Variants in TAFA2 observed in about 807,000 individuals in gnomAD.
TAFA2 encodes chemokine-like protein TAFA-2.
A neutral mutation model predicts 18.8 loss-of-function variants in TAFA2; 7 were observed. The ratio of observed to expected loss-of-function variants is 0.37; its 90% confidence interval spans 0.21 to 0.70. The LOEUF (loss-of-function observed/expected upper bound fraction) is 0.70. Ranked by LOEUF, TAFA2 falls within the 30% of genes least tolerant of loss-of-function variation. The pLI is 0.53. For synonymous variants in TAFA2, 60 were observed against 54.2 expected, an observed-to-expected ratio of 1.11 and a Z score of -0.47; for missense variants, 122 against 158.1, an observed-to-expected ratio of 0.77 and a Z score of 1.23.
intron 1 of TAFA2, among the ~76,000 whole-genome samples, chr12:61,896,357 G>A (rs900798784): frequency 6.6e-6 from 1 of 152,154 alleles, no homozygotes; most frequent in African/African-American, 2.4e-5. Flanking sequence ...ACACTTTCAT[G>A]AATGTAAAAA....
At chr12:61,981,665 T>C (rs1879640792) in intron 1 of TAFA2, among the ~76,000 whole-genome samples, 1 of 152,170 alleles carries the variant, frequency 6.6e-6, no homozygotes. Flanking sequence ...AACAGACACT[T>C]CTCAAAAGAA....
intron 1 of TAFA2, among the ~76,000 whole-genome samples, chr12:62,096,838 A>C (rs904359745): frequency 1.3e-5 from 2 of 152,066 alleles, no homozygotes; most frequent in Non-Finnish European, 2.9e-5. Context: ...GTAATGTCAC[A>C]CAATTTCTCT....
chr12:62,183,796 T>A (rs1158917792), intron 1 of TAFA2, among the ~76,000 whole-genome samples: 3 of 152,216 alleles, frequency 2.0e-5, no homozygotes, highest in Non-Finnish European at 2.9e-5. Context: ...TCAAAATTCA[T>A]ACATAGATTT....
intron 1 of TAFA2, among the ~76,000 whole-genome samples, chr12:61,876,781 G>A (rs1354453903): frequency 6.6e-6 from 1 of 151,986 alleles, no homozygotes; most frequent in Admixed American, 6.6e-5. Flanking sequence ...AAAGAAAAGA[G>A]TCCAAGAATA....
At chr12:62,107,862 T>TA (rs752775143) in intron 1 of TAFA2, among the ~76,000 whole-genome samples, 3 of 152,216 alleles carry the variant, frequency 2.0e-5, no homozygotes, top group Non-Finnish European at 4.4e-5. Flanking sequence ...CAAGAGGCCA[T>TA]AAAAATTATC....
At chr12:62,101,989 A>G (rs1215213997) in intron 1 of TAFA2, among the ~76,000 whole-genome samples, 3 of 152,180 alleles carry the variant, frequency 2.0e-5, no homozygotes, top group Admixed American at 2.0e-4. Context: ...AGAAAGATTC[A>G]TAGAAAAAAA....
intron 1 of TAFA2, among the ~76,000 whole-genome samples, chr12:62,173,808 G>GA (rs2136943603): frequency 6.6e-6 from 1 of 152,282 alleles, no homozygotes; most frequent in African/African-American, 2.4e-5. Context: ...GGAAAACGGA[G>GA]AAGAGTTCAG....
chr12:62,213,303 AT>A (rs2062721462), intron 1 of TAFA2, among the ~76,000 whole-genome samples: 1 of 152,168 alleles, frequency 6.6e-6, no homozygotes, highest in African/African-American at 2.4e-5. Flanking sequence ...TTTCAAGATG[AT>A]TACCTGAACC....
At chr12:61,982,308 A>C (rs1249208927) in intron 1 of TAFA2, among the ~76,000 whole-genome samples, 1 of 152,056 alleles carries the variant, frequency 6.6e-6, no homozygotes, top group African/African-American at 2.4e-5. Context: ...GGTCTGGGGG[A>C]GAGATAGCAT....
At chr12:61,935,640 G>A (rs1877731359) in intron 1 of TAFA2, among the ~76,000 whole-genome samples, 2 of 152,074 alleles carry the variant, frequency 1.3e-5, no homozygotes, top group Admixed American at 6.6e-5. Context: ...GAAAAATAGT[G>A]AATATTTCTC....
At position 62,192,507 on chromosome 12, in the gene TAFA2, C is replaced by G. The variant is rs1037579533; in HGVS notation, c.-1250G>C. On this transcript the variant is annotated 5_prime_UTR_variant, in exon 1 of 5. Transcript: ENST00000416284. ...TCCGCGTCCCACCCCAGATGCTATA[C>G]TGTCAAAAGACACTGATGCTAATCT... is the stretch of plus-strand genomic sequence containing the variant. 5.9e-5 allele frequency: 9 copies of G among 152,426 alleles called. No homozygotes were observed. The highest frequency in any genetic ancestry group is 2.2e-4 in the African/African-American group (9 of 41,584). 9.4% of individuals were successfully genotyped at this position (152,426 alleles called of 1,614,324 possible).
At chr12:61,787,794 T>C (rs12318519) in intron 2 of TAFA2, among the ~76,000 whole-genome samples, 3,359 of 151,552 alleles carry the variant, frequency 0.022, 127 homozygotes, top group African/African-American at 0.077. Flanking sequence ...TAAAAGAACA[T>C]GGGAGCTACA....
chr12:61,766,418 A>C (rs191039063), intron 2 of TAFA2, among the ~76,000 whole-genome samples: 9 of 152,134 alleles, frequency 5.9e-5, no homozygotes, highest in African/African-American at 2.2e-4. Flanking sequence ...TGCCAAGTCC[A>C]TCTCCCTGTT....
At chr12:62,008,688 CAT>C (rs1880636264) in intron 1 of TAFA2, among the ~76,000 whole-genome samples, 1 of 152,164 alleles carries the variant, frequency 6.6e-6, no homozygotes, top group Admixed American at 6.5e-5. Context: ...AAATTGGTAA[CAT>C]GTCCAAATAT....
intron 1 of TAFA2, among the ~76,000 whole-genome samples, chr12:62,202,650 T>C (rs1015778780): frequency 1.3e-5 from 2 of 151,960 alleles, no homozygotes; most frequent in African/African-American, 2.4e-5. Flanking sequence ...TGGCATTTAG[T>C]GTTATAAATT....
chr12:61,985,809 G>A (rs1276809344), intron 1 of TAFA2, among the ~76,000 whole-genome samples: 1 of 152,140 alleles, frequency 6.6e-6, no homozygotes, highest in East Asian at 1.9e-4. Flanking sequence ...TCTTTTGAAG[G>A]TTAAGAAGTT....
intron 2 of TAFA2, among the ~76,000 whole-genome samples, chr12:61,853,191 A>AT (rs1873749341): frequency 6.6e-6 from 1 of 152,200 alleles, no homozygotes; most frequent in South Asian, 2.1e-4. Flanking sequence ...TCAGTCATAC[A>AT]TTAAGAAATC....
chr12:61,999,299 A>G (rs961812929), intron 1 of TAFA2, among the ~76,000 whole-genome samples: 5 of 152,218 alleles, frequency 3.3e-5, no homozygotes, highest in African/African-American at 1.2e-4. Flanking sequence ...TGACTTTGTT[A>G]TAAACAATGG....
intron 1 of TAFA2, among the ~76,000 whole-genome samples, chr12:62,091,264 T>C (rs2136834283): frequency 6.6e-6 from 1 of 152,112 alleles, no homozygotes; most frequent in Admixed American, 6.6e-5. Flanking sequence ...CTTATTTTAA[T>C]TCAAGGCAGT....
Sources: gnomAD v4.1 joint callset for allele counts (sites outside exome capture counted in the v4.1 genomes callset) on GRCh38, gnomAD v4.1.1 for gene constraint, MANE v1.5 for transcripts, NCBI Gene and HGNC (gene_info 2026-07-23, HGNC 2026-07-21) for gene names.